The following COL25A1 variants were observed in gnomAD, a reference collection of about 807,000 sequenced individuals.
COL25A1 encodes collagen type XXV alpha 1 chain.
COL25A1 carries 103 observed loss-of-function variants against 128.4 expected under a neutral mutation model. The ratio of observed to expected loss-of-function variants is 0.80; its 90% CI spans 0.68 to 0.94. The LOEUF is 0.94. Ranked by LOEUF, COL25A1 falls within the 40% of genes least tolerant of loss-of-function variation. The probability of loss-of-function intolerance (pLI) is 0.00; values close to 1 mark genes in which losing one functional copy is unlikely to be tolerated. For missense variants in COL25A1, 745 were observed against 840.0 expected (o/e 0.89, Z 1.40); for synonymous variants, 279 against 277.2 (o/e 1.01, Z -0.06).
intron 3 of COL25A1, among the ~76,000 whole-genome samples, chr4:109,160,032 C>A (rs930111597): frequency 2.0e-5 from 3 of 152,056 alleles, no homozygotes; most frequent in African/African-American, 7.2e-5. Flanking sequence ...TGTAAAATAA[C>A]AAAAGTTTGT....
At chr4:109,018,438 G>T (rs1229451733) in intron 5 of COL25A1, among the ~76,000 whole-genome samples, 1 of 152,056 alleles carries the variant, frequency 6.6e-6, no homozygotes, top group African/African-American at 2.4e-5. Flanking sequence ...TCATCAGGCT[G>T]GTCTCAAATT....
At chr4:108,940,229 C>T (rs1747920934) in intron 10 of COL25A1, among the ~76,000 whole-genome samples, 1 of 152,178 alleles carries the variant, frequency 6.6e-6, no homozygotes, top group Non-Finnish European at 1.5e-5. Context: ...CAACTCCAAT[C>T]AAAGACTTCT....
rs1746657806 is a variant in COL25A1 at position 108,930,892 on chromosome 4, G to T, written c.708+6916C>A. Among the ~76,000 whole-genome samples the T allele has an allele frequency of 2.0e-5, 3 of 152,212 alleles. No individual in the cohort carries two copies. The South Asian group carries it at 6.2e-4, about 32-fold the overall frequency. On this transcript the variant is annotated intron_variant, in intron 11 of 37. Coordinates refer to ENST00000399132, the MANE Select transcript of COL25A1 (RefSeq NM_198721.4). Reference sequence around the variant, plus strand: ...CTCTTGCCCTAAAACTTGTACATTTGCCCTAAGTCTGCAAATGTAAAGCAC... The same window carrying T: ...CTCTTGCCCTAAAACTTGTACATTTTCCCTAAGTCTGCAAATGTAAAGCAC...
chr4:108,928,502 T>TTTATTTATTTATG (rs1746334855), intron 11 of COL25A1, among the ~76,000 whole-genome samples: 2 of 141,836 alleles, frequency 1.4e-5, no homozygotes, highest in Admixed American at 7.0e-5. Flanking sequence ...ATTTTTAATT[T>TTTATTTATTTATG]TATTTATTTA....
chr4:109,272,376 T>C (rs1299613027), intron 3 of COL25A1, among the ~76,000 whole-genome samples: 2 of 152,218 alleles, frequency 1.3e-5, no homozygotes, highest in Non-Finnish European at 2.9e-5. Flanking sequence ...TATCTAAATA[T>C]ACCAACTTGT....
intron 20 of COL25A1, among the ~76,000 whole-genome samples, chr4:108,868,520 G>A (rs368221393): frequency 1.3e-4 from 16 of 119,276 alleles, no homozygotes; most frequent in East Asian, 2.3e-4. Flanking sequence ...GGGAGAGAGA[G>A]AGGAAGAAAA....
At chr4:109,185,330 T>C (rs1775035089) in intron 3 of COL25A1, among the ~76,000 whole-genome samples, 1 of 152,148 alleles carries the variant, frequency 6.6e-6, no homozygotes, top group Non-Finnish European at 1.5e-5. Flanking sequence ...ATAAACAACA[T>C]TGTGTTCAGT....
chr4:109,201,393 C>T (rs1394045180), intron 3 of COL25A1, among the ~76,000 whole-genome samples: 1 of 152,078 alleles, frequency 6.6e-6, no homozygotes, highest in Admixed American at 6.5e-5. Flanking sequence ...AAAAACAATA[C>T]AGTCATATAA....
At chr4:108,844,226 A>G (rs1287197996) in intron 30 of COL25A1, among the ~76,000 whole-genome samples, 1 of 152,224 alleles carries the variant, frequency 6.6e-6, no homozygotes, top group Non-Finnish European at 1.5e-5. Flanking sequence ...GAGTGGCCGG[A>G]TAAAATGATT....
chr4:108,847,582 G>A (rs1735261408), intron 27 of COL25A1, among the ~76,000 whole-genome samples: 1 of 151,472 alleles, frequency 6.6e-6, no homozygotes, highest in Non-Finnish European at 1.5e-5. Context: ...ACCTTGCAAA[G>A]CCTACAGAAG....
intron 3 of COL25A1, among the ~76,000 whole-genome samples, chr4:109,278,345 A>G (rs1000739316): frequency 1.3e-5 from 2 of 152,212 alleles, no homozygotes; most frequent in Non-Finnish European, 2.9e-5. Context: ...TTATATGTTG[A>G]AATGGTATCT....
At chr4:109,089,841 G>A (rs972483871) in intron 3 of COL25A1, among the ~76,000 whole-genome samples, 14 of 152,076 alleles carry the variant, frequency 9.2e-5, no homozygotes, top group African/African-American at 3.1e-4. Flanking sequence ...CTGCATTCAA[G>A]CAATCTGCCT....
chr4:109,242,843 G>A (rs1779990736), intron 3 of COL25A1, among the ~76,000 whole-genome samples: 1 of 151,878 alleles, frequency 6.6e-6, no homozygotes, highest in African/African-American at 2.4e-5. Context: ...ATATACATAA[G>A]TGATTACCAC....
intron 3 of COL25A1, among the ~76,000 whole-genome samples, chr4:109,107,057 C>T (rs2126031765): frequency 6.6e-6 from 1 of 152,310 alleles, no homozygotes; most frequent in Admixed American, 6.5e-5. Flanking sequence ...GCATGAGCCA[C>T]ACGACTAGCC....
chr4:109,112,312 G>C (rs760023695), intron 3 of COL25A1, among the ~76,000 whole-genome samples: 3 of 152,068 alleles, frequency 2.0e-5, no homozygotes, highest in Non-Finnish European at 4.4e-5. Context: ...TAGATGGAAT[G>C]AAAGACAGTA....
intron 31 of COL25A1, among the ~76,000 whole-genome samples, chr4:108,839,235 T>A (rs555856793): frequency 6.6e-6 from 1 of 152,316 alleles, no homozygotes; most frequent in African/African-American, 2.4e-5. Context: ...GTATCTTTAA[T>A]AAGTCTCCCA....
intron 5 of COL25A1, among the ~76,000 whole-genome samples, chr4:109,047,699 A>C (rs1324990492): frequency 6.6e-6 from 1 of 151,890 alleles, no homozygotes; most frequent in Non-Finnish European, 1.5e-5. Context: ...GTGTATCTAA[A>C]AAATAATTTT....
At chr4:108,932,662 T>C (rs1375488347) in intron 11 of COL25A1, among the ~76,000 whole-genome samples, 2 of 152,170 alleles carry the variant, frequency 1.3e-5, no homozygotes, top group African/African-American at 4.8e-5. Flanking sequence ...ATAATATACA[T>C]GAAACTGGAG....
chr4:109,096,739 G>C (rs966798853), intron 3 of COL25A1, among the ~76,000 whole-genome samples: 1 of 152,076 alleles, frequency 6.6e-6, no homozygotes, highest in Non-Finnish European at 1.5e-5. Flanking sequence ...TTTTAATTTT[G>C]TATAATAAAT....
Sources: gnomAD v4.1 joint callset for allele counts (sites outside exome capture counted in the v4.1 genomes callset) on GRCh38, gnomAD v4.1.1 for gene constraint, MANE v1.5 for transcripts, NCBI Gene and HGNC (gene_info 2026-07-23, HGNC 2026-07-21) for gene names.